GIPC1: variants seen among roughly 807,000 people sequenced by gnomAD.
The protein encoded by GIPC1 is PDZ domain-containing protein GIPC1.
In GIPC1, 15 loss-of-function variants were observed where a neutral mutation model predicts 28.5. The observed-to-expected ratio is 0.53, with a 90% CI of 0.35 to 0.81. GIPC1 has a LOEUF of 0.81. Among genes scored for constraint, GIPC1 ranks in the 30% least tolerant of loss-of-function variants. The pLI, the probability that GIPC1 is intolerant of heterozygous loss-of-function variation, is 0.01. For missense variants in GIPC1, 439 were observed against 481.9 expected (o/e 0.91, Z 0.83); for synonymous variants, 224 against 206.1 (o/e 1.09, Z -0.74).
At chr19:14,479,953 T>G in intron 6 of GIPC1, 1 of 457,598 alleles carries the variant, frequency 2.2e-6, no homozygotes, top group African/African-American at 2.0e-5. Context: ...CTGGGGCCCA[T>G]TCCTGAGAGT....
intron 1 of GIPC1, among the ~76,000 whole-genome samples, chr19:14,494,410 C>G (rs979520678): frequency 1.3e-5 from 2 of 152,172 alleles, no homozygotes; most frequent in African/African-American, 4.8e-5. Context: ...CTGATCTTTG[C>G]TGGGCTGGCA....
chr19:14,478,810 T>C lies in GIPC1; in HGVS notation c.769-45A>G. ...GACAGCGACATCATAACAATGTGAATATACATAGTAATTGGACGGACTGCC... is the reference window on the plus strand; with the variant it reads ...GACAGCGACATCATAACAATGTGAACATACATAGTAATTGGACGGACTGCC... On this transcript the variant is annotated intron_variant, in intron 7 of 8. Coordinates refer to ENST00000393033, the MANE Select transcript of GIPC1 (RefSeq NM_005716.4). This position sits in a 1 kb window ranked among gnomAD's most constrained non-coding sequence, Gnocchi z 5.2. 1 of 1,367,270 alleles carries C rather than the reference T, an allele frequency of 7.3e-7. No individual in the cohort carries two copies. The highest frequency in any genetic ancestry group is 1.0e-6 in the Non-Finnish European group (1 of 955,060). The allele number at this position is 1,367,270 out of a possible 1,614,324, so 84.7% of individuals were successfully genotyped here.
rs557786302 is a variant in GIPC1, at chr19:14,478,589, C to A, written c.851-22G>T. On this transcript the variant is annotated intron_variant, in intron 8 of 8. Transcript: ENST00000393033. This position sits in a 1 kb window ranked among gnomAD's most constrained non-coding sequence, Gnocchi z 5.2. ...GCCGCTATTGGGGGAGGGGTCAGAACGGAGGCACAAATGACACCAGGGACC... is the reference window on the plus strand; with the variant it reads ...GCCGCTATTGGGGGAGGGGTCAGAAAGGAGGCACAAATGACACCAGGGACC... 2 of 1,613,676 alleles carry A rather than the reference C, an allele frequency of 1.2e-6. No homozygotes were observed. The highest frequency in any genetic ancestry group is 1.7e-6 in the Non-Finnish European group (2 of 1,179,854).
chr19:14,478,152 C>CATTAAAAAA lies in GIPC1; in HGVS notation c.*263_*264insTTTTTTAAT. ...GGGGTGGCCGCCCAATTTGGCTGAT[C>CATTAAAAAA]CCTCCCCTCCCTGTGCCTGACCCAG... is the stretch of plus-strand genomic sequence containing the variant. On this transcript the variant is annotated 3_prime_UTR_variant, in exon 9 of 9. Coordinates refer to ENST00000393033, the MANE Select transcript of GIPC1 (RefSeq NM_005716.4). The surrounding 1 kb of genome is among the most constrained non-coding windows in gnomAD (Gnocchi z 5.2). 2.3e-6 allele frequency: 1 copy of CATTAAAAAA among 430,474 alleles called. No homozygotes were observed. Among genetic ancestry groups the CATTAAAAAA allele is most frequent in the Non-Finnish European group, 4.2e-6 (1 of 239,706 alleles). The allele number at this position is 430,474 out of a possible 1,614,324, so 26.7% of individuals were successfully genotyped here.
intron 3 of GIPC1, among the ~76,000 whole-genome samples, chr19:14,483,846 G>C (rs2071783607): frequency 6.6e-6 from 1 of 151,622 alleles, no homozygotes; most frequent in Non-Finnish European, 1.5e-5. Flanking sequence ...TGTTTCATTT[G>C]TTGTTGTGAC....
chr19:14,485,820 G>C (rs1293654792), intron 3 of GIPC1, among the ~76,000 whole-genome samples: 1 of 150,952 alleles, frequency 6.6e-6, no homozygotes, highest in African/African-American at 2.4e-5. Context: ...ACCCAGGCTG[G>C]AGTACAGTGG....
rs562029741 is a variant in GIPC1 at position 14,477,924 on chromosome 19, C to A, written c.*492G>T. 3.2e-5 allele frequency: 5 copies of A among 157,758 alleles called. No homozygotes were observed. Among genetic ancestry groups the A allele is most frequent in the African/African-American group, 4.8e-5 (2 of 41,578 alleles). The allele number at this position is 157,758 out of a possible 1,614,324, so 9.8% of individuals were successfully genotyped here. A position where few individuals can be genotyped will look rare whatever the true frequency, so the allele number is the denominator to read the frequency against. On this transcript the variant is annotated 3_prime_UTR_variant, in exon 9 of 9. Coordinates refer to ENST00000393033, the MANE Select transcript of GIPC1 (RefSeq NM_005716.4). ...GTTCACAGCAGACTCGTGTCAAATG[C>A]GGAGGTAACAGGCTCCACAGGGAGG...
At position 14,489,310 on chromosome 19, in the gene GIPC1, T is replaced by G. The variant is rs904968200; in HGVS notation, c.-31+2346A>C. 5 of 757,550 alleles carry G rather than the reference T, an allele frequency of 6.6e-6. No individual in the cohort carries two copies. In the African/African-American group the frequency reaches 6.8e-5, roughly 10 times the overall value. 46.9% of individuals were successfully genotyped at this position (757,550 alleles called of 1,614,324 possible). ...GAGGTCGATGACGCCAGGCACAAGA[T>G]GCTGGGCCTACCGCGGTAGCGTGAG... On this transcript the variant is annotated intron_variant, in intron 3 of 8. Transcript: ENST00000393033.
intron 3 of GIPC1, among the ~76,000 whole-genome samples, chr19:14,487,944 G>A (rs930046000): frequency 1.1e-4 from 16 of 151,988 alleles, no homozygotes; most frequent in Admixed American, 5.2e-4. Flanking sequence ...GACTCCTAAC[G>A]AGCTGGGATT....
At chr19:14,479,352 CA>C (rs756237132) in intron 7 of GIPC1, 59 bp downstream of exon 7, 43,709 of 575,448 alleles carry the variant, frequency 0.076, 2 homozygotes, top group South Asian at 0.13. Context: ...GACTCTGTCT[CA>C]AAAAAAAAAA....
intron 6 of GIPC1, 66 bp downstream of exon 6, chr19:14,480,239 C>T: frequency 7.0e-7 from 1 of 1,434,566 alleles, no homozygotes; most frequent in South Asian, 1.2e-5. Flanking sequence ...GCTGGCCGCT[C>T]CCGGCACCAC....
chr19:14,483,748 C>CAATAATAATAATAATAAT (rs151161206), intron 3 of GIPC1, among the ~76,000 whole-genome samples: 8 of 141,538 alleles, frequency 5.7e-5, no homozygotes, highest in Non-Finnish European at 9.1e-5. Context: ...GACTCTGTCT[C>CAATAATAATAATAATAAT]AATAATAATA....
intron 1 of GIPC1, among the ~76,000 whole-genome samples, chr19:14,495,420 G>C (rs376492209): frequency 1.4e-4 from 21 of 152,106 alleles, no homozygotes; most frequent in African/African-American, 4.6e-4. Flanking sequence ...GGACCCTGGG[G>C]CATGAGTTCC....
intron 3 of GIPC1, among the ~76,000 whole-genome samples, chr19:14,485,099 G>A (rs1388643267): frequency 6.6e-6 from 1 of 152,100 alleles, no homozygotes; most frequent in Non-Finnish European, 1.5e-5. Context: ...GGCAGAGATT[G>A]CAGTGAGCTG....
intron 6 of GIPC1, chr19:14,480,064 C>T: frequency 1.7e-6 from 1 of 591,150 alleles, no homozygotes; most frequent in Non-Finnish European, 3.0e-6. Flanking sequence ...CTTGGCTGGG[C>T]TAATGGCCCC....
chr19:14,482,636 C>A (rs1275721528), intron 4 of GIPC1, 53 bp downstream of exon 4: 2 of 1,562,420 alleles, frequency 1.3e-6, no homozygotes, highest in East Asian at 4.5e-5. Context: ...GATGCAGGCC[C>A]AGACCTCTGG....
At chr19:14,480,201 T>C in intron 6 of GIPC1, 104 bp downstream of exon 6, 5 of 984,392 alleles carry the variant, frequency 5.1e-6, no homozygotes, top group South Asian at 1.4e-5. Flanking sequence ...CCCCTTCCCT[T>C]TCGGCAGGCC....
chr19:14,480,011 G>T, intron 6 of GIPC1: 1 of 559,144 alleles, frequency 1.8e-6, no homozygotes, highest in Non-Finnish European at 3.2e-6. Flanking sequence ...GAGCAGTCAA[G>T]CCTGGCCTGT....
chr19:14,479,529 G>A lies in GIPC1; in HGVS notation c.656-5C>T. The A allele has an allele frequency of 7.1e-7, 1 of 1,416,820 alleles. No homozygotes were observed. The highest frequency in any genetic ancestry group is 9.3e-7 in the Non-Finnish European group (1 of 1,079,358). 87.8% of individuals were successfully genotyped at this position (1,416,820 alleles called of 1,614,324 possible). On this transcript the variant is annotated splice_region_variant and splice_polypyrimidine_tract_variant and intron_variant, in intron 6 of 8. Transcript: ENST00000393033. ...CTGAACGCTGGCTGATCATGTCTGT[G>A]GGAGGCAGGAGAGGAGTGAGTGTGG...
Sources: allele counts gnomAD v4.1 joint callset (sites outside exome capture counted in the v4.1 genomes callset), GRCh38; gene constraint gnomAD v4.1.1; non-coding constraint Gnocchi (gnomAD v3.1); transcripts MANE v1.5; gene names NCBI Gene and HGNC (gene_info 2026-07-23, HGNC 2026-07-21).